The following KCNH5 variants were observed in gnomAD, a reference collection of about 807,000 sequenced individuals.
The protein encoded by KCNH5 is voltage-gated delayed rectifier potassium channel KCNH5.
In KCNH5, 46 loss-of-function variants were observed where a neutral mutation model predicts 96.1. The ratio of observed to expected loss-of-function variants is 0.48; its 90% CI spans 0.38 to 0.61. The LOEUF is 0.61. KCNH5 is among the 20% of genes least tolerant of loss of function. KCNH5 has a pLI of 0.00. For missense variants in KCNH5, 907 were observed against 1,225.8 expected, an observed-to-expected ratio of 0.74 and a Z score of 3.88; for synonymous variants, 439 against 449.8, an observed-to-expected ratio of 0.98 and a Z score of 0.30.
Position 63,027,222 on chromosome 14 carries a change from G to C in KCNH5, c.74-10268C>G, listed in dbSNP as rs762758684. On this transcript the variant is annotated intron_variant, in intron 1 of 10. Transcript: ENST00000322893. ...GGGACATTGGGGAGATGTTGGTCAA[G>C]GGACAAAAATTTCAGTTAGACAGAA... Among the ~76,000 whole-genome samples, 6 of 151,902 alleles carry C rather than the reference G, an allele frequency of 3.9e-5. 1 individual carries two copies. The highest frequency in any genetic ancestry group is 7.4e-5 in the Non-Finnish European group (5 of 67,908).
chr14:62,841,096 C>T (rs1956016), intron 8 of KCNH5, among the ~76,000 whole-genome samples: 67,138 of 151,100 alleles, frequency 0.44, 15,324 homozygotes, highest in South Asian at 0.61. Context: ...TTAGTCATTA[C>T]CATTAAAAAA....
chr14:62,898,792 G>T (rs1888866240), intron 7 of KCNH5, among the ~76,000 whole-genome samples: 1 of 152,014 alleles, frequency 6.6e-6, no homozygotes, highest in Admixed American at 6.5e-5. Flanking sequence ...ATGGATAGAG[G>T]TATCATAAAT....
rs578066098 is a variant in KCNH5, at chr14:62,723,777, T to G, written c.2020-15322A>C. Among the ~76,000 whole-genome samples the G allele has an allele frequency of 3.3e-5, 5 of 152,356 alleles. No homozygotes were observed. In the East Asian group the frequency reaches 9.6e-4, roughly 29 times the overall value. ...AGAAAAATCTACTTAAGGTAAATCA[T>G]TCTTTATTTTATCAGAATAGTGTAG... On this transcript the variant is annotated intron_variant, in intron 10 of 10. Transcript: ENST00000322893.
At chr14:62,931,300 A>C (rs10483762) in intron 7 of KCNH5, among the ~76,000 whole-genome samples, 88,342 of 151,910 alleles carry the variant, frequency 0.58, 26,627 homozygotes, top group African/African-American at 0.71. Flanking sequence ...GCAATGGGAA[A>C]GTTTTGATCA....
intron 8 of KCNH5, among the ~76,000 whole-genome samples, chr14:62,823,528 A>C (rs926601090): frequency 2.6e-5 from 4 of 152,040 alleles, no homozygotes; most frequent in African/African-American, 9.7e-5. Flanking sequence ...CATTAACTTA[A>C]TTATGATCCC....
At chr14:62,975,681 AAACCAGT>A (rs1213928889) in intron 6 of KCNH5, among the ~76,000 whole-genome samples, 1 of 152,146 alleles carries the variant, frequency 6.6e-6, no homozygotes, top group East Asian at 1.9e-4. Flanking sequence ...AAAAAATTCC[AAACCAGT>A]AGGAGGAATC....
chr14:62,877,275 T>C (rs1171808631), intron 7 of KCNH5, among the ~76,000 whole-genome samples: 4 of 151,632 alleles, frequency 2.6e-5, no homozygotes, highest in East Asian at 1.9e-4. Context: ...ATTCAGGACA[T>C]AGGCATGGGC....
chr14:62,783,718 C>T (rs1287313682), intron 9 of KCNH5, among the ~76,000 whole-genome samples: 1 of 151,760 alleles, frequency 6.6e-6, no homozygotes, highest in Non-Finnish European at 1.5e-5. Context: ...CCTATATGTC[C>T]AATAGCTATG....
intron 10 of KCNH5, 36 bp from the exon 11 acceptor site, chr14:62,708,491 A>G (rs774398924): frequency 1.9e-5 from 25 of 1,346,612 alleles, no homozygotes; most frequent in Non-Finnish European, 2.5e-5. Flanking sequence ...GCCTGATTAT[A>G]AAAGCAGATG....
At chr14:62,800,082 T>C (rs1886630344) in intron 9 of KCNH5, among the ~76,000 whole-genome samples, 1 of 151,782 alleles carries the variant, frequency 6.6e-6, no homozygotes, top group South Asian at 2.1e-4. Flanking sequence ...AAGCATTTTG[T>C]ATGTTAAACA....
intron 4 of KCNH5, among the ~76,000 whole-genome samples, chr14:63,000,755 G>C (rs1890994496): frequency 6.6e-6 from 1 of 152,168 alleles, no homozygotes; most frequent in Non-Finnish European, 1.5e-5. Context: ...ATGAGGTGTT[G>C]AAATTCCAAT....
intron 10 of KCNH5, among the ~76,000 whole-genome samples, chr14:62,732,668 A>C (rs1885075147): frequency 6.6e-6 from 1 of 152,054 alleles, no homozygotes; most frequent in Admixed American, 6.6e-5. Flanking sequence ...CTGTATGACT[A>C]TTTTGATGGG....
At chr14:62,975,430 C>T (rs1056744914) in intron 6 of KCNH5, among the ~76,000 whole-genome samples, 4 of 150,636 alleles carry the variant, frequency 2.7e-5, no homozygotes, top group Non-Finnish European at 4.4e-5. Flanking sequence ...ATGAAGAAGC[C>T]GATAAACGTG....
chr14:62,827,920 C>T lies in KCNH5; in HGVS notation c.1569+21733G>A, dbSNP rs577672402. Among the ~76,000 whole-genome samples the T allele has an allele frequency of 5.3e-5, 8 of 152,248 alleles. No homozygotes were observed. The South Asian group carries it at 8.3e-4, about 16-fold the overall frequency. On this transcript the variant is annotated intron_variant, in intron 8 of 10. Coordinates refer to ENST00000322893, the MANE Select transcript of KCNH5 (RefSeq NM_139318.5). ...ATCTTTACACATGTCTTCTCTATTA[C>T]ATGTTTGCACCCTTCATACCTCTTT...
chr14:62,815,918 T>C (rs893454684), intron 8 of KCNH5, among the ~76,000 whole-genome samples: 2 of 151,830 alleles, frequency 1.3e-5, no homozygotes, highest in Non-Finnish European at 1.5e-5. Context: ...GTAGTCAAAA[T>C]AGGTCACAGA....
intron 1 of KCNH5, among the ~76,000 whole-genome samples, chr14:63,033,431 C>T (rs371886539): frequency 2.8e-4 from 43 of 152,330 alleles, no homozygotes; most frequent in African/African-American, 1.0e-3. Context: ...CTTGTTACCT[C>T]TCACTGTAGG....
At chr14:62,796,128 T>C (rs1330980912) in intron 9 of KCNH5, among the ~76,000 whole-genome samples, 1 of 152,120 alleles carries the variant, frequency 6.6e-6, no homozygotes, top group African/African-American at 2.4e-5. Context: ...ATCCTCAAGA[T>C]ACTGGAAATA....
At chr14:63,029,523 C>T (rs570790587) in intron 1 of KCNH5, among the ~76,000 whole-genome samples, 20 of 151,558 alleles carry the variant, frequency 1.3e-4, no homozygotes, top group African/African-American at 2.7e-4. Flanking sequence ...GTGTTTGTGG[C>T]GGGGGGGATG....
intron 10 of KCNH5, among the ~76,000 whole-genome samples, chr14:62,763,321 A>G (rs2139958123): frequency 6.6e-6 from 1 of 152,306 alleles, no homozygotes; most frequent in South Asian, 2.1e-4. Context: ...ATTAAGGCAA[A>G]AATCAAGAAA....
Sources: gnomAD v4.1 joint callset for allele counts (sites outside exome capture counted in the v4.1 genomes callset) on GRCh38, gnomAD v4.1.1 for gene constraint, MANE v1.5 for transcripts, NCBI Gene and HGNC (gene_info 2026-07-23, HGNC 2026-07-21) for gene names.